The following C18orf54 variants were observed in gnomAD, a reference collection of about 807,000 sequenced individuals.
The protein encoded by C18orf54 is lung adenoma susceptibility protein 2.
Under a neutral mutation model 49.3 loss-of-function variants are expected in C18orf54, and 49 were observed. The ratio of observed to expected loss-of-function variants is 0.99; its 90% CI spans 0.79 to 1.26. The LOEUF (loss-of-function observed/expected upper bound fraction) is 1.26. Ranked by LOEUF, C18orf54 falls within the 50% of genes most tolerant of loss-of-function variation. The probability of loss-of-function intolerance (pLI) is 0.00; values close to 1 mark genes in which losing one functional copy is unlikely to be tolerated. For missense variants in C18orf54, 687 were observed against 620.6 expected (o/e 1.11, Z -1.14); for synonymous variants, 211 against 216.6 (o/e 0.97, Z 0.23).
Position 54,372,527 on chromosome 18 carries a change from T to C in C18orf54, c.1388T>C (p.Phe463Ser), listed in dbSNP as rs1216628587. The C allele has an allele frequency of 1.2e-6, 2 of 1,611,056 alleles. No individual in the cohort carries two copies. The highest frequency in any genetic ancestry group is 3.3e-5 in the Admixed American group (2 of 59,928). The change falls in exon 7 of 9, where the codon TTT becomes TCT. Residue 463 changes from phenylalanine to serine, a missense_variant. Transcript: ENST00000620105. ...GPVEALKQMLFNLQAVQERFN... is the reference protein window; with the variant it reads ...GPVEALKQMLSNLQAVQERFN... Reference sequence around the variant, plus strand: ...GTTGAAGCCCTGAAACAAATGTTATTTAACCTTCAAGCAGTACAAGAACGT... The same window carrying C: ...GTTGAAGCCCTGAAACAAATGTTATCTAACCTTCAAGCAGTACAAGAACGT...
In C18orf54 at chr18:54,360,562, T is replaced by A. The variant is rs771536342; in HGVS notation, c.-11T>A. ...GGGAAATGAATAGAAACAATCCACT[T>A]TGAAGAAGCCATGGCGAAATCAAAG... On this transcript the variant is annotated 5_prime_UTR_variant, in exon 3 of 9. In the 5' UTR this introduces an upstream ATG that the reference lacks. Transcript: ENST00000620105. 13 of 1,612,420 alleles carry A rather than the reference T, an allele frequency of 8.1e-6. No individual in the cohort carries two copies. The highest frequency in any genetic ancestry group is 1.0e-5 in the Non-Finnish European group (12 of 1,179,024).
intron 2 of C18orf54, among the ~76,000 whole-genome samples, chr18:54,359,409 C>T (rs2144712773): frequency 6.6e-6 from 1 of 152,286 alleles, no homozygotes; most frequent in Admixed American, 6.5e-5. Context: ...TTATGTTCTG[C>T]CATTTGCACT....
At position 54,372,591 on chromosome 18, in the gene C18orf54, T is replaced by G. The variant is rs1444335623; in HGVS notation, c.1452T>G (p.Ile484Met). The change falls in exon 7 of 9, where the codon ATT (isoleucine) becomes ATG (methionine). Residue 484 changes from isoleucine to methionine, a missense_variant. Ile to Met is a conservative substitution (Grantham distance 10, BLOSUM62 1). Transcript: ENST00000620105. ...QNKTTDPKEE[I>M]KQVSEDDFSK... ...AGACCACAGATCCAAAAGAAGAGAT[T>G]AAACAAGTAAGCACAAACATGATTT... 6.3e-7 allele frequency: 1 copy of G among 1,595,486 alleles called. No homozygotes were observed. The highest frequency in any genetic ancestry group is 1.8e-5 in the Admixed American group (1 of 57,110).
chr18:54,369,138 T>G (rs2089439714), intron 6 of C18orf54, among the ~76,000 whole-genome samples: 1 of 152,202 alleles, frequency 6.6e-6, no homozygotes, highest in Admixed American at 6.5e-5. Context: ...GGAAACAAGT[T>G]TGCCAACCCA....
intron 3 of C18orf54, 64 bp from the exon 4 acceptor site, chr18:54,361,579 C>T (rs2089269267): frequency 1.5e-6 from 2 of 1,351,216 alleles, no homozygotes; most frequent in East Asian, 2.5e-5. Context: ...TCTTAATTCT[C>T]ATTTACTGTT....
In C18orf54 at chr18:54,362,428, A is replaced by T. The variant is rs904769928; in HGVS notation, c.1069A>T (p.Ser357Cys). The T allele has an allele frequency of 2.0e-6, 3 of 1,505,176 alleles. No individual in the cohort carries two copies. Among genetic ancestry groups the T allele is most frequent in the Admixed American group, 2.2e-5 (1 of 45,794 alleles). The allele number at this position is 1,505,176 out of a possible 1,614,324, so 93.2% of individuals were successfully genotyped here. A position where few individuals can be genotyped will look rare whatever the true frequency, so the allele number is the denominator to read the frequency against. ...LLPGQSTKPF[S>C]GDKIELLILK... ...CCCAGGACAATCCACAAAGCCATTC[A>T]GTGGTAATACTTTGTTTATTGCTTA... The change falls in exon 4 of 9, where the codon AGT becomes TGT. Residue 357 changes from serine (S) to cysteine (C), a missense_variant. Transcript: ENST00000620105.
intron 6 of C18orf54, among the ~76,000 whole-genome samples, chr18:54,366,527 A>C (rs2089388179): frequency 6.6e-6 from 1 of 151,990 alleles, no homozygotes; most frequent in East Asian, 1.9e-4. Context: ...TTACCCTTCT[A>C]TCTGTTGATG....
intron 6 of C18orf54, among the ~76,000 whole-genome samples, chr18:54,366,119 C>A (rs1443780946): frequency 6.6e-6 from 1 of 151,696 alleles, no homozygotes; most frequent in African/African-American, 2.4e-5. Flanking sequence ...TTTATCATTT[C>A]TTTGTGTTGG....
chr18:54,365,821 G>C lies in C18orf54; in HGVS notation c.1326G>C (p.Gln442His). 1 of 1,539,146 alleles carries C rather than the reference G, an allele frequency of 6.5e-7. No individual in the cohort carries two copies. Among genetic ancestry groups the C allele is most frequent in the Non-Finnish European group, 8.9e-7 (1 of 1,126,992 alleles). The change falls in exon 6 of 9, where the codon CAG (glutamine) becomes CAC (histidine). Residue 442 changes from glutamine to histidine, a missense_variant and splice_region_variant. Transcript: ENST00000620105. ...VLEDFLNNDN[Q>H]SCTLSGGKHH... ...AAGACTTTCTAAATAATGATAATCA[G>C]GTGGGTGAAATTAAAAGTTTTAAAA...
chr18:54,368,709 A>G (rs1455752538), intron 6 of C18orf54, among the ~76,000 whole-genome samples: 1 of 152,086 alleles, frequency 6.6e-6, no homozygotes, highest in African/African-American at 2.4e-5. Flanking sequence ...GCACTTTGAG[A>G]CTTTGCAGAT....
intron 2 of C18orf54, 38 bp from the exon 3 acceptor site, chr18:54,360,487 CTT>C: frequency 2.9e-6 from 4 of 1,389,660 alleles, no homozygotes; most frequent in Non-Finnish European, 3.9e-6. Flanking sequence ...TGTATGGTCA[CTT>C]TTAATTGGCA....
At chr18:54,365,200 C>A (rs1421251586) in intron 5 of C18orf54, among the ~76,000 whole-genome samples, 1 of 151,984 alleles carries the variant, frequency 6.6e-6, no homozygotes, top group Non-Finnish European at 1.5e-5. Flanking sequence ...ACTGAGATTG[C>A]ATGCAGGAAT....
chr18:54,376,158 A>C (rs2089566775), intron 8 of C18orf54, among the ~76,000 whole-genome samples: 1 of 152,154 alleles, frequency 6.6e-6, no homozygotes, highest in African/African-American at 2.4e-5. Flanking sequence ...TACATTCCTC[A>C]AATAACAGTT....
Position 54,381,493 on chromosome 18 carries a change from G to C in C18orf54, c.*3247G>C, listed in dbSNP as rs1874188121. The C allele has an allele frequency of 6.6e-6, 1 of 152,178 alleles. No individual in the cohort carries two copies. Among genetic ancestry groups the C allele is most frequent in the African/African-American group, 2.4e-5 (1 of 41,460 alleles). The allele number at this position is 152,178 out of a possible 1,614,324, so 9.4% of individuals were successfully genotyped here. Reference sequence around the variant, plus strand: ...GAGTGACTGGTCTTGGCAAGACTCTGTTGTGTATCACCACTCTAACCTTAC... The same window carrying C: ...GAGTGACTGGTCTTGGCAAGACTCTCTTGTGTATCACCACTCTAACCTTAC... On this transcript the variant is annotated 3_prime_UTR_variant, in exon 9 of 9. Transcript: ENST00000620105.
intron 6 of C18orf54, among the ~76,000 whole-genome samples, chr18:54,369,466 C>CTTTTTTT: frequency 1.1e-5 from 1 of 89,164 alleles, no homozygotes; most frequent in Non-Finnish European, 2.0e-5. Context: ...TTGTATATTG[C>CTTTTTTT]TTTTTTTTTT....
chr18:54,370,544 T>C (rs1278948348), intron 6 of C18orf54, among the ~76,000 whole-genome samples: 1 of 152,188 alleles, frequency 6.6e-6, no homozygotes, highest in Admixed American at 6.5e-5. Context: ...TTTAAATAAT[T>C]TGTTTTTTGA....
chr18:54,361,698 C>G lies in C18orf54; in HGVS notation c.339C>G (p.His113Gln), dbSNP rs776268626. 8 of 1,613,110 alleles carry G rather than the reference C, an allele frequency of 5.0e-6. No individual in the cohort carries two copies. Among genetic ancestry groups the G allele is most frequent in the South Asian group, 1.1e-5 (1 of 90,760 alleles). ...KHSNFISCRR[H>Q]TVNDIDSMSL... ...CAAACTTCATATCCTGTAGAAGACA[C>G]ACCGTTAATGACATAGACTCCATGA... is the stretch of plus-strand genomic sequence containing the variant. Residue 113 changes from histidine (H) to glutamine (Q), a missense_variant, in exon 4 of 9, where the codon CAC becomes CAG. Coordinates refer to ENST00000620105, the MANE Select transcript of C18orf54 (RefSeq NM_001288980.2).
chr18:54,374,295 T>C lies in C18orf54; in HGVS notation c.1529+11T>C, dbSNP rs1458729643. 1.9e-6 allele frequency: 3 copies of C among 1,560,494 alleles called. No individual in the cohort carries two copies. The highest frequency in any genetic ancestry group is 2.6e-6 in the Non-Finnish European group (3 of 1,155,706). ...TAGGTCACTTCAGAAGTAAGTATTC[T>C]TTACTAATATGGATACAAATCCATC... On this transcript the variant is annotated intron_variant, in intron 8 of 8. Transcript: ENST00000620105.
intron 2 of C18orf54, 143 bp downstream of exon 2, chr18:54,359,013 A>G (rs937675711): frequency 6.6e-6 from 1 of 152,218 alleles, no homozygotes; most frequent in South Asian, 2.1e-4. Context: ...TGATGAGTAC[A>G]TAGGGGTTTA....
Sources: gnomAD v4.1 joint callset for allele counts (sites outside exome capture counted in the v4.1 genomes callset) on GRCh38, gnomAD v4.1.1 for gene constraint, MANE v1.5 for transcripts, NCBI Gene and HGNC (gene_info 2026-07-23, HGNC 2026-07-21) for gene names.